The following TACR3 variants were observed in gnomAD, a reference collection of about 807,000 sequenced individuals.
The protein encoded by TACR3 is neuromedin-K receptor.
In TACR3, 34 loss-of-function variants were observed where a neutral mutation model predicts 35.0. The ratio of observed to expected loss-of-function variants is 0.97; its 90% CI spans 0.74 to 1.30. TACR3 has a LOEUF of 1.30. TACR3 is among the 50% of genes most tolerant of loss of function. The probability of loss-of-function intolerance (pLI) is 0.00; values close to 1 mark genes in which losing one functional copy is unlikely to be tolerated. For synonymous variants in TACR3, 233 were observed against 221.1 expected (o/e 1.05, Z -0.48); for missense variants, 558 against 591.7 (o/e 0.94, Z 0.59).
rs183233105 is a variant in TACR3, at chr4:103,689,545, C to A, written c.548+29583G>T. Among the ~76,000 whole-genome samples the A allele has an allele frequency of 1.7e-3, 255 of 151,920 alleles. 1 individual carries two copies. The highest frequency in any genetic ancestry group is 2.7e-3 in the Non-Finnish European group (183 of 67,944). On this transcript the variant is annotated intron_variant, in intron 1 of 4. Transcript: ENST00000304883. ...CTGAAAAGTATAACAACAACAACAA[C>A]AACAACAATAAAACCTCTAAATATT...
At chr4:103,630,544 A>G (rs572686478) in intron 3 of TACR3, among the ~76,000 whole-genome samples, 47 of 152,354 alleles carry the variant, frequency 3.1e-4, no homozygotes, top group Non-Finnish European at 5.6e-4. Context: ...ACTTCTCAAA[A>G]GAAGACATTT....
intron 3 of TACR3, among the ~76,000 whole-genome samples, chr4:103,621,335 G>T (rs1472497887): frequency 6.6e-6 from 1 of 152,192 alleles, no homozygotes; most frequent in Non-Finnish European, 1.5e-5. Context: ...TGATGAAGAA[G>T]CTGGGAGATA....
At chr4:103,676,716 T>C (rs542889537) in intron 1 of TACR3, among the ~76,000 whole-genome samples, 5 of 151,964 alleles carry the variant, frequency 3.3e-5, no homozygotes, top group African/African-American at 1.2e-4. Flanking sequence ...CAAAAATTAA[T>C]CAAGATGGAT....
Position 103,631,513 on chromosome 4 carries a change from T to C in TACR3, c.888+24681A>G, listed in dbSNP as rs188597065. On this transcript the variant is annotated intron_variant, in intron 3 of 4. Coordinates refer to ENST00000304883, the MANE Select transcript of TACR3 (RefSeq NM_001059.3). ...TGGAAACTTTCCAGAAAAGTTTAATTCATTTAGCAGTAAGATGAATAGGCC... is the reference window on the plus strand; with the variant it reads ...TGGAAACTTTCCAGAAAAGTTTAATCCATTTAGCAGTAAGATGAATAGGCC... Among the ~76,000 whole-genome samples, 423 of 152,274 alleles carry C rather than the reference T, an allele frequency of 2.8e-3. 6 individuals are homozygous for C. The highest frequency in any genetic ancestry group is 0.017 in the Middle Eastern group (5 of 294).
intron 3 of TACR3, among the ~76,000 whole-genome samples, chr4:103,612,319 T>C (rs1724531466): frequency 2.6e-5 from 4 of 152,178 alleles, no homozygotes. Flanking sequence ...TTTGTTCTTA[T>C]TGATAAGAAC....
At chr4:103,678,619 A>C (rs1023455698) in intron 1 of TACR3, among the ~76,000 whole-genome samples, 3 of 152,128 alleles carry the variant, frequency 2.0e-5, no homozygotes, top group Non-Finnish European at 4.4e-5. Flanking sequence ...TTGAGTGCCA[A>C]ATAAATGAAA....
chr4:103,659,967 G>A (rs1725805459), intron 1 of TACR3, among the ~76,000 whole-genome samples: 1 of 151,972 alleles, frequency 6.6e-6, no homozygotes, highest in South Asian at 2.1e-4. Context: ...GTCATTTTAT[G>A]TTTATAGAAT....
chr4:103,706,976 T>C (rs1187514264), intron 1 of TACR3, among the ~76,000 whole-genome samples: 1 of 152,336 alleles, frequency 6.6e-6, no homozygotes, highest in East Asian at 1.9e-4. Flanking sequence ...AGTTTTATCT[T>C]TGTATCAAAC....
chr4:103,590,980 T>C (rs774240750), intron 4 of TACR3, among the ~76,000 whole-genome samples: 23 of 152,154 alleles, frequency 1.5e-4, no homozygotes, highest in Non-Finnish European at 3.1e-4. Context: ...CACCTCACAA[T>C]GCAGGAAGGA....
intron 3 of TACR3, among the ~76,000 whole-genome samples, chr4:103,594,240 C>A (rs1019316679): frequency 6.6e-6 from 1 of 150,696 alleles, no homozygotes; most frequent in African/African-American, 2.4e-5. Context: ...TGCAGTGGTG[C>A]GATCTTGGCT....
At chr4:103,639,031 G>A (rs1385157975) in intron 3 of TACR3, among the ~76,000 whole-genome samples, 6 of 152,256 alleles carry the variant, frequency 3.9e-5, no homozygotes, top group African/African-American at 1.4e-4. Flanking sequence ...AGTCGGTGTG[G>A]TGATTCCTCA....
intron 1 of TACR3, among the ~76,000 whole-genome samples, chr4:103,697,438 ATTTT>A (rs1405585194): frequency 7.3e-6 from 1 of 137,330 alleles, no homozygotes; most frequent in Non-Finnish European, 1.6e-5. Flanking sequence ...TTATTTATTT[ATTTT>A]GAGACGGAGT....
intron 3 of TACR3, among the ~76,000 whole-genome samples, chr4:103,600,671 A>G (rs988971789): frequency 6.6e-6 from 1 of 152,046 alleles, no homozygotes; most frequent in Non-Finnish European, 1.5e-5. Context: ...CTTTGTTCTC[A>G]TTGGTTTCAA....
chr4:103,674,571 G>T (rs147421371), intron 1 of TACR3, among the ~76,000 whole-genome samples: 1,966 of 152,260 alleles, frequency 0.013, 18 homozygotes, highest in South Asian at 0.022. Flanking sequence ...GTTTTGTTTT[G>T]AGATGGAGTC....
At chr4:103,617,350 C>A (rs375189392) in intron 3 of TACR3, among the ~76,000 whole-genome samples, 1 of 152,032 alleles carries the variant, frequency 6.6e-6, no homozygotes, top group Admixed American at 6.6e-5. Context: ...TATCTTAAAT[C>A]AATACAAAAC....
At chr4:103,642,648 G>A (rs926456429) in intron 3 of TACR3, among the ~76,000 whole-genome samples, 4 of 151,872 alleles carry the variant, frequency 2.6e-5, no homozygotes, top group African/African-American at 9.7e-5. Context: ...GTGATTACCA[G>A]AGGCTGGGAA....
intron 3 of TACR3, among the ~76,000 whole-genome samples, chr4:103,648,666 T>A (rs1223949140): frequency 1.3e-5 from 2 of 152,122 alleles, no homozygotes; most frequent in African/African-American, 2.4e-5. Flanking sequence ...ATGTACCACA[T>A]TTGCTTTATC....
Position 103,671,519 on chromosome 4 carries a change from G to A in TACR3, c.549-13116C>T, listed in dbSNP as rs79838063. Among the ~76,000 whole-genome samples the A allele has an allele frequency of 3.7e-3, 558 of 152,044 alleles. 1 individual carries two copies. The highest frequency in any genetic ancestry group is 6.4e-3 in the Non-Finnish European group (432 of 67,902). On this transcript the variant is annotated intron_variant, in intron 1 of 4. Transcript: ENST00000304883. ...TTTCTTTATGGTTCAATATTAGGAGGTTGTATGTATTCAAGAATTTATCCT... is the reference window on the plus strand; with the variant it reads ...TTTCTTTATGGTTCAATATTAGGAGATTGTATGTATTCAAGAATTTATCCT...
rs564454552 is a variant in TACR3, at chr4:103,639,042, G to C, written c.888+17152C>G. Among the ~76,000 whole-genome samples, 4 of 152,204 alleles carry C rather than the reference G, an allele frequency of 2.6e-5. No homozygotes were observed. In the South Asian group the frequency reaches 8.3e-4, roughly 32 times the overall value. On this transcript the variant is annotated intron_variant, in intron 3 of 4. Coordinates refer to ENST00000304883, the MANE Select transcript of TACR3 (RefSeq NM_001059.3). ...TGGAAGTCGGTGTGGTGATTCCTCA[G>C]GGATCTAGAGCTAGAAATACCATTT...
Sources: allele counts gnomAD v4.1 joint callset (sites outside exome capture counted in the v4.1 genomes callset), GRCh38; gene constraint gnomAD v4.1.1; transcripts MANE v1.5; gene names NCBI Gene and HGNC (gene_info 2026-07-23, HGNC 2026-07-21).